The following GPSM1 variants were observed in gnomAD, a reference collection of about 807,000 sequenced individuals.
The protein encoded by GPSM1 is G protein-signaling modulator 1.
GPSM1 carries 48 observed loss-of-function variants against 70.5 expected under a neutral mutation model. The ratio of observed to expected loss-of-function variants is 0.68; its 90% CI spans 0.54 to 0.87. The LOEUF (loss-of-function observed/expected upper bound fraction) is 0.87. Among genes scored for constraint, GPSM1 ranks in the 40% least tolerant of loss-of-function variants. GPSM1 has a pLI of 0.00. For missense variants in GPSM1, 981 were observed against 972.6 expected, an observed-to-expected ratio of 1.01 and a Z score of -0.11; for synonymous variants, 416 against 430.1, an observed-to-expected ratio of 0.97 and a Z score of 0.41.
rs782069038 is a variant in GPSM1, at chr9:136,337,070, C to T, written c.576C>T (p.Tyr192=). ...CCCTGTGCAAGGCCTCCGAGTTCTA[C>T]GAGTGAGTGGGGCAGGGCCAGCCCA... ...RETLCKASEF[Y]ERNLSLVKEL... Residue 192 remains tyrosine, a splice_region_variant and synonymous_variant, in exon 4 of 14, where the codon TAC becomes TAT. Transcript: ENST00000440944. 2.3e-5 allele frequency: 35 copies of T among 1,550,580 alleles called. No individual in the cohort carries two copies. Among genetic ancestry groups the T allele is most frequent in the Middle Eastern group, 1.7e-4 (1 of 6,004 alleles).
Position 136,341,654 on chromosome 9 carries a change from C to T in GPSM1, c.1207+661C>T. 1 of 1,000,468 alleles carries T rather than the reference C, an allele frequency of 1.0e-6. No individual in the cohort carries two copies. Among genetic ancestry groups the T allele is most frequent in the Non-Finnish European group, 1.2e-6 (1 of 838,390 alleles). 62.0% of individuals were successfully genotyped at this position (1,000,468 alleles called of 1,614,324 possible). ...GGGAGCAGCTGCCCCACCCATGTGT[C>T]CCCCACTCCCAAAGGTCTTGAGTTT... On this transcript the variant is annotated intron_variant, in intron 9 of 13. Transcript: ENST00000440944. The surrounding 1 kb of genome is among the most constrained non-coding windows in gnomAD (Gnocchi z 6.7).
intron 9 of GPSM1, among the ~76,000 whole-genome samples, chr9:136,348,101 G>A (rs1280765607): frequency 6.6e-6 from 1 of 152,190 alleles, no homozygotes; most frequent in Non-Finnish European, 1.5e-5. Context: ...GGTCCCTTGG[G>A]TGGAGACACG....
intron 11 of GPSM1, among the ~76,000 whole-genome samples, chr9:136,354,061 G>C (rs868943544): frequency 3.9e-5 from 6 of 152,160 alleles, no homozygotes; most frequent in African/African-American, 1.2e-4. Flanking sequence ...CGGGGAGAAG[G>C]GGGTGCTAGA....
intron 2 of GPSM1, 114 bp downstream of exon 2, chr9:136,334,782 G>C: frequency 2.4e-6 from 2 of 839,012 alleles, no homozygotes. Context: ...GGTGAGTGGG[G>C]ACAGCCCTGC....
At position 136,356,376 on chromosome 9, in the gene GPSM1, G is replaced by C. The variant is rs1554773145; in HGVS notation, c.1647G>C (p.Glu549Asp). 1 of 1,605,652 alleles carries C rather than the reference G, an allele frequency of 6.2e-7. No individual in the cohort carries two copies. The highest frequency in any genetic ancestry group is 1.7e-5 in the Admixed American group (1 of 59,502). The part of the protein sequence containing the change: ...QPSMTASPQT[E>D]EFFDLIASSQ... Reference sequence around the variant, plus strand: ...CGATGACGGCCTCGCCCCAGACCGAGGAATTCTTCGACCTCATCGCCAGCT... The same window carrying C: ...CGATGACGGCCTCGCCCCAGACCGACGAATTCTTCGACCTCATCGCCAGCT... Residue 549 changes from glutamate to aspartate, a missense_variant, in exon 13 of 14, where the codon GAG becomes GAC. Coordinates refer to ENST00000440944, the MANE Select transcript of GPSM1 (RefSeq NM_001145638.3).
chr9:136,358,527 T>G lies in GPSM1; in HGVS notation c.*307T>G. 8 of 496,174 alleles carry G rather than the reference T, an allele frequency of 1.6e-5. No homozygotes were observed. Among genetic ancestry groups the G allele is most frequent in the African/African-American group, 2.1e-5 (1 of 48,544 alleles). 30.7% of individuals were successfully genotyped at this position (496,174 alleles called of 1,614,324 possible). On this transcript the variant is annotated 3_prime_UTR_variant, in exon 14 of 14. Coordinates refer to ENST00000440944, the MANE Select transcript of GPSM1 (RefSeq NM_001145638.3). ...CTCCCGCATCCTCTCCCCCAAGCCC[T>G]TCCCGTTCTGCCCTGCCCTGCCAAA... is the stretch of plus-strand genomic sequence containing the variant.
chr9:136,339,631 G>A, intron 7 of GPSM1, 76 bp from the exon 8 acceptor site: 1 of 1,036,936 alleles, frequency 9.6e-7, no homozygotes, highest in Non-Finnish European at 1.5e-6. Flanking sequence ...CTGGGGCCGT[G>A]ACCACCAGGG....
Position 136,357,758 on chromosome 9 carries a change from G to A in GPSM1, c.1822-256G>A, listed in dbSNP as rs372371112. ...GGCACACCCATGCCCAGTGGGAATC[G>A]CTGGACCTGCTTTTCCTGGGCGGGC... On this transcript the variant is annotated intron_variant, in intron 13 of 13. Transcript: ENST00000440944. Among the ~76,000 whole-genome samples, 12 of 152,348 alleles carry A rather than the reference G, an allele frequency of 7.9e-5. No individual in the cohort carries two copies. In the East Asian group the frequency reaches 1.3e-3, roughly 17 times the overall value.
intron 3 of GPSM1, among the ~76,000 whole-genome samples, chr9:136,336,352 C>A (rs994903060): frequency 1.3e-5 from 2 of 152,168 alleles, no homozygotes; most frequent in Non-Finnish European, 2.9e-5. Context: ...CTCTCGGTGA[C>A]CTCCCCCCGA....
intron 11 of GPSM1, chr9:136,352,965 G>C: frequency 3.0e-6 from 1 of 327,904 alleles, no homozygotes; most frequent in Non-Finnish European, 4.4e-6. Context: ...AAGTGAGCAG[G>C]GGCGGGCGCT....
chr9:136,341,329 G>C lies in GPSM1; in HGVS notation c.1207+336G>C, dbSNP rs77048021. On this transcript the variant is annotated intron_variant, in intron 9 of 13. Transcript: ENST00000440944. This position sits in a 1 kb window ranked among gnomAD's most constrained non-coding sequence, Gnocchi z 6.7. ...GGGCTTCTGTCCTCAGACCCAAGTA[G>C]GAGAGGGCTGCTGGGAGGCGAGAGG... The C allele has an allele frequency of 0.016, 23,398 of 1,439,446 alleles. 221 individuals carry two copies. Among genetic ancestry groups the C allele is most frequent in the Middle Eastern group, 0.051 (200 of 3,924 alleles). 89.2% of individuals were successfully genotyped at this position (1,439,446 alleles called of 1,614,324 possible). A position where few individuals can be genotyped will look rare whatever the true frequency, so the allele number is the denominator to read the frequency against.
In GPSM1 at chr9:136,327,688, C is replaced by A; in HGVS notation, c.-8C>A. 2.7e-6 allele frequency: 3 copies of A among 1,112,302 alleles called. No homozygotes were observed. Among genetic ancestry groups the A allele is most frequent in the South Asian group, 8.7e-5 (2 of 22,984 alleles). 68.9% of individuals were successfully genotyped at this position (1,112,302 alleles called of 1,614,324 possible). On this transcript the variant is annotated 5_prime_UTR_variant, in exon 1 of 14. Transcript: ENST00000440944. ...CGCTCCCGGCTCCCGCTCCCGCGTC[C>A]CCGACCCATGGCGGGCCCGGCCCCG...
chr9:136,329,736 C>T (rs895305965), intron 1 of GPSM1, among the ~76,000 whole-genome samples: 14 of 152,166 alleles, frequency 9.2e-5, no homozygotes, highest in Admixed American at 1.3e-4. Context: ...ACACTGACAG[C>T]GAGGCCCATG....
In GPSM1 at chr9:136,352,831, G is replaced by A. The variant is rs73670230; in HGVS notation, c.1456-2859G>A. Among the ~76,000 whole-genome samples the A allele has an allele frequency of 4.3e-3, 656 of 152,366 alleles. 2 individuals carry two copies. The highest frequency in any genetic ancestry group is 0.015 in the African/African-American group (611 of 41,594). On this transcript the variant is annotated intron_variant, in intron 11 of 13. Coordinates refer to ENST00000440944, the MANE Select transcript of GPSM1 (RefSeq NM_001145638.3). ...GCCCACACAGCCCTCCAGTGTGCCC[G>A]CCCACAGGCACGGGGAGGGGGAGGT...
intron 1 of GPSM1, chr9:136,332,281 C>G (rs1470178021): frequency 2.5e-6 from 1 of 397,920 alleles, no homozygotes; most frequent in East Asian, 3.6e-5. Context: ...CTGCAGGTGG[C>G]TGGCTGCATT....
At chr9:136,328,443 G>A (rs1026837992) in intron 1 of GPSM1, among the ~76,000 whole-genome samples, 7 of 152,190 alleles carry the variant, frequency 4.6e-5, no homozygotes, top group African/African-American at 7.2e-5. Context: ...AGAGCCACAC[G>A]AGCGTGAGGT....
At position 136,337,181 on chromosome 9, in the gene GPSM1, A is replaced by C. The variant is rs1771865251; in HGVS notation, c.578+109A>C. 8 of 1,148,594 alleles carry C rather than the reference A, an allele frequency of 7.0e-6. No individual in the cohort carries two copies. In the South Asian group the frequency reaches 1.3e-4, roughly 18 times the overall value. The allele number at this position is 1,148,594 out of a possible 1,614,324, so 71.2% of individuals were successfully genotyped here. On this transcript the variant is annotated intron_variant, in intron 4 of 13. Transcript: ENST00000440944. ...AGCCCCATACCTCCCGACAGCTCCC[A>C]GGGCAGTGACGGCCAGGTCCGCCCA...
At position 136,356,254 on chromosome 9, in the gene GPSM1, C is replaced by T. The variant is rs371254850; in HGVS notation, c.1613-88C>T. The T allele has an allele frequency of 7.7e-6, 8 of 1,033,504 alleles. No homozygotes were observed. The South Asian group carries it at 1.0e-4, about 13-fold the overall frequency. The allele number at this position is 1,033,504 out of a possible 1,614,324, so 64.0% of individuals were successfully genotyped here. A position where few individuals can be genotyped will look rare whatever the true frequency, so the allele number is the denominator to read the frequency against. ...GCAGCACAGTGGGCTGGGCTGGGCT[C>T]AGAGGTCAGAGCTCACTGTGGCCGC... On this transcript the variant is annotated intron_variant, in intron 12 of 13. Coordinates refer to ENST00000440944, the MANE Select transcript of GPSM1 (RefSeq NM_001145638.3).
chr9:136,339,295 C>A (rs565765393), intron 7 of GPSM1, among the ~76,000 whole-genome samples: 1 of 152,352 alleles, frequency 6.6e-6, no homozygotes, highest in South Asian at 2.1e-4. Context: ...CATTTCCCTC[C>A]AATATAAAAA....
Sources: allele counts gnomAD v4.1 joint callset (sites outside exome capture counted in the v4.1 genomes callset), GRCh38; gene constraint gnomAD v4.1.1; non-coding constraint Gnocchi (gnomAD v3.1); transcripts MANE v1.5; gene names NCBI Gene and HGNC (gene_info 2026-07-23, HGNC 2026-07-21).